Variants in MS4A8 observed in about 807,000 individuals in gnomAD.
The protein encoded by MS4A8 is membrane-spanning 4-domains subfamily A member 8.
In MS4A8, 27 loss-of-function variants were observed where a neutral mutation model predicts 23.7. The ratio of observed to expected loss-of-function variants is 1.14; its 90% CI spans 0.84 to 1.57. The LOEUF (loss-of-function observed/expected upper bound fraction) is 1.57. MS4A8 is among the 40% of genes most tolerant of loss of function. MS4A8 has a pLI of 0.00. For missense variants in MS4A8, 301 were observed against 311.4 expected, an observed-to-expected ratio of 0.97 and a Z score of 0.25; for synonymous variants, 138 against 126.3, an observed-to-expected ratio of 1.09 and a Z score of -0.62.
intron 5 of MS4A8, chr11:60,712,194 C>T: frequency 2.9e-6 from 1 of 344,506 alleles, no homozygotes; most frequent in Non-Finnish European, 4.1e-6. Flanking sequence ...CTGCCTCTAC[C>T]CTCACCCTCT....
intron 5 of MS4A8, chr11:60,711,774 C>T: frequency 2.2e-6 from 1 of 455,650 alleles, no homozygotes; most frequent in Non-Finnish European, 4.4e-6. Context: ...AGCCAGGTGC[C>T]CTGGAGTAGA....
chr11:60,706,634 T>G (rs539960449), intron 3 of MS4A8, among the ~76,000 whole-genome samples: 1 of 152,188 alleles, frequency 6.6e-6, no homozygotes, highest in Admixed American at 6.5e-5. Context: ...TGTAAAGATA[T>G]ACTAAATGCC....
At chr11:60,711,892 A>G (rs771889844) in intron 5 of MS4A8, 2 of 455,810 alleles carry the variant, frequency 4.4e-6, no homozygotes, top group African/African-American at 2.0e-5. Context: ...TTCCACCTTC[A>G]AGCCTCAGTC....
intron 5 of MS4A8, among the ~76,000 whole-genome samples, 167 bp from the exon 6 acceptor site, chr11:60,714,854 C>G (rs1263961428): frequency 6.6e-6 from 1 of 152,120 alleles, no homozygotes; most frequent in South Asian, 2.1e-4. Flanking sequence ...CTTTTACCCC[C>G]ATACTTGATA....
chr11:60,711,689 G>A (rs901387420), intron 5 of MS4A8: 7 of 398,702 alleles, frequency 1.8e-5, no homozygotes, highest in Non-Finnish European at 3.0e-5. Context: ...AAATTAAGAA[G>A]CAAATGCTGG....
chr11:60,714,593 C>T (rs1190409719), intron 5 of MS4A8, among the ~76,000 whole-genome samples: 1 of 151,970 alleles, frequency 6.6e-6, no homozygotes, highest in African/African-American at 2.4e-5. Flanking sequence ...TTTCCTGTGG[C>T]CTCCCCCTTC....
chr11:60,707,138 C>T, intron 4 of MS4A8, 91 bp downstream of exon 4: 2 of 1,200,592 alleles, frequency 1.7e-6, no homozygotes, highest in Non-Finnish European at 2.5e-6. Context: ...GATTCCTCCC[C>T]CAGCCTTGCA....
At chr11:60,714,844 C>A (rs1018977700) in intron 5 of MS4A8, among the ~76,000 whole-genome samples, 177 bp from the exon 6 acceptor site, 1 of 152,132 alleles carries the variant, frequency 6.6e-6, no homozygotes, top group Non-Finnish European at 1.5e-5. Context: ...AATAACAATT[C>A]TTTTACCCCC....
intron 5 of MS4A8, among the ~76,000 whole-genome samples, chr11:60,710,068 T>C (rs2134660576): frequency 6.6e-6 from 1 of 152,284 alleles, no homozygotes; most frequent in South Asian, 2.1e-4. Context: ...GGACTTTGCT[T>C]GACTTCCAGG....
In MS4A8 at chr11:60,715,024, C is replaced by A. The variant is rs371762860; in HGVS notation, c.538C>A (p.Pro180Thr). The A allele has an allele frequency of 1.0e-4, 162 of 1,613,338 alleles. 1 individual carries two copies. The Admixed American group carries it at 2.6e-3, about 25-fold the overall frequency. ...TCCCCATCTGCTCTGCCTACAGAAC[C>A]CTGGAATGGCGATTTCTGGCGTGCT... is the stretch of plus-strand genomic sequence containing the variant. ...DYYPYAWGVNPGMAISGVLLV... is the reference protein window; with the variant it reads ...DYYPYAWGVNTGMAISGVLLV... The change falls in exon 6 of 7, where the codon CCT becomes ACT. Residue 180 changes from proline to threonine, a missense_variant. Pro to Thr is a conservative substitution (Grantham distance 38). Transcript: ENST00000300226.
At chr11:60,708,183 A>G (rs904576609) in intron 4 of MS4A8, among the ~76,000 whole-genome samples, 4 of 152,116 alleles carry the variant, frequency 2.6e-5, no homozygotes, top group Admixed American at 2.6e-4. Flanking sequence ...CTCCCATGAT[A>G]TGCTCAATGA....
chr11:60,707,878 G>A (rs1049347900), intron 4 of MS4A8, among the ~76,000 whole-genome samples: 10 of 144,642 alleles, frequency 6.9e-5, no homozygotes, highest in African/African-American at 2.6e-4. Flanking sequence ...CCCCCAGGCT[G>A]GAATGCAGTG....
At chr11:60,709,343 A>T (rs1167843342) in intron 5 of MS4A8, 1 of 152,816 alleles carries the variant, frequency 6.5e-6, no homozygotes, top group African/African-American at 2.4e-5. Flanking sequence ...CAATAGAAAT[A>T]TGCAAGCCAC....
rs190811331 is a variant in MS4A8, at chr11:60,711,538, A to G, written c.534+2757A>G. ...CTGGCTCTATCTCACTGTGCCCTACAGTTCACCTCCCTTCGAATCTCTCAC... is the reference window on the plus strand; with the variant it reads ...CTGGCTCTATCTCACTGTGCCCTACGGTTCACCTCCCTTCGAATCTCTCAC... On this transcript the variant is annotated intron_variant, in intron 5 of 6. Coordinates refer to ENST00000300226, the MANE Select transcript of MS4A8 (RefSeq NM_031457.2). Among the ~76,000 whole-genome samples, 33 of 152,248 alleles carry G rather than the reference A, an allele frequency of 2.2e-4. No individual in the cohort carries two copies. In the East Asian group the frequency reaches 3.7e-3, roughly 17 times the overall value.
At chr11:60,712,424 T>C (rs964885693) in intron 5 of MS4A8, 2 of 985,234 alleles carry the variant, frequency 2.0e-6, no homozygotes, top group Admixed American at 6.2e-5. Context: ...GAAAAGGGGC[T>C]AAGGAGAGGC....
Position 60,709,169 on chromosome 11 carries a change from C to T in MS4A8, c.534+388C>T, listed in dbSNP as rs138588241. ...AAGCAGTTAAGGTTTTGCAGGCCTA[C>T]AGTCTCTGTCATGTAGCTATAGCTG... On this transcript the variant is annotated intron_variant, in intron 5 of 6. Transcript: ENST00000300226. 283 of 240,760 alleles carry T rather than the reference C, an allele frequency of 1.2e-3. 1 individual carries two copies. Among genetic ancestry groups the T allele is most frequent in the African/African-American group, 6.2e-3 (265 of 42,820 alleles). The allele number at this position is 240,760 out of a possible 1,614,324, so 14.9% of individuals were successfully genotyped here.
intron 3 of MS4A8, among the ~76,000 whole-genome samples, chr11:60,704,071 C>T (rs1565051492): frequency 2.0e-5 from 3 of 151,996 alleles, no homozygotes; most frequent in Admixed American, 1.3e-4. Context: ...CAAGCTACAA[C>T]CCCGCAAGGT....
intron 5 of MS4A8, chr11:60,711,916 A>G (rs142889349): frequency 1.1e-4 from 49 of 454,688 alleles, no homozygotes; most frequent in African/African-American, 6.2e-4. Context: ...CCATCTGAAC[A>G]TGGAGGGTCG....
At position 60,715,801 on chromosome 11, in the gene MS4A8, T is replaced by C. The variant is rs2088339231; in HGVS notation, c.*387T>C. On this transcript the variant is annotated 3_prime_UTR_variant, in exon 7 of 7. Coordinates refer to ENST00000300226, the MANE Select transcript of MS4A8 (RefSeq NM_031457.2). ...GTGCATTCATTTAATAAATAGATAC[T>C]GAGCATTCAATGTGTTCAAGGCTCT... 3.9e-6 allele frequency: 1 copy of C among 255,614 alleles called. No homozygotes were observed. The highest frequency in any genetic ancestry group is 2.3e-5 in the African/African-American group (1 of 44,098). The allele number at this position is 255,614 out of a possible 1,614,324, so 15.8% of individuals were successfully genotyped here. A position where few individuals can be genotyped will look rare whatever the true frequency, so the allele number is the denominator to read the frequency against.
Sources: allele counts gnomAD v4.1 joint callset (sites outside exome capture counted in the v4.1 genomes callset), GRCh38; gene constraint gnomAD v4.1.1; transcripts MANE v1.5; gene names NCBI Gene and HGNC (gene_info 2026-07-23, HGNC 2026-07-21).